The following EMC2 variants were observed in gnomAD, a reference collection of about 807,000 sequenced individuals.
EMC2 encodes the protein ER membrane protein complex subunit 2.
EMC2 carries 37 observed loss-of-function variants against 51.6 expected under a neutral mutation model. The observed-to-expected ratio is 0.72, with a 90% CI of 0.55 to 0.94. The LOEUF is 0.94. Ranked by LOEUF, EMC2 falls within the 40% of genes least tolerant of loss-of-function variation. The pLI is 0.00. For synonymous variants in EMC2, 131 were observed against 112.4 expected (o/e 1.17, Z -1.04); for missense variants, 359 against 350.9 (o/e 1.02, Z -0.18).
intron 4 of EMC2, among the ~76,000 whole-genome samples, chr8:108,454,463 C>G (rs1321498191): frequency 1.3e-5 from 2 of 152,048 alleles, no homozygotes; most frequent in Non-Finnish European, 2.9e-5. Context: ...TATACTGATT[C>G]ACAGTTAGGG....
chr8:108,447,119 G>C lies in EMC2; in HGVS notation c.41-2704G>C, dbSNP rs149138950. Among the ~76,000 whole-genome samples the C allele has an allele frequency of 1.7e-3, 261 of 152,232 alleles. 1 individual carries two copies. Among genetic ancestry groups the C allele is most frequent in the African/African-American group, 6.0e-3 (251 of 41,538 alleles). On this transcript the variant is annotated intron_variant, in intron 1 of 10. Transcript: ENST00000220853. The stretch of plus-strand genomic sequence containing the variant: ...TATACCTATACATGAATCTTTGAGT[G>C]TATGTATAAACTGAAACCAAAGTTG...
chr8:108,460,510 C>A (rs1282533742), intron 5 of EMC2, among the ~76,000 whole-genome samples: 2 of 152,120 alleles, frequency 1.3e-5, no homozygotes, highest in African/African-American at 4.8e-5. Flanking sequence ...AAATTTCACC[C>A]CGATCACATG....
intron 7 of EMC2, among the ~76,000 whole-genome samples, chr8:108,473,614 T>A (rs1464961758): frequency 6.6e-6 from 1 of 152,048 alleles, no homozygotes; most frequent in African/African-American, 2.4e-5. Flanking sequence ...TATTATACAT[T>A]AATTATGATT....
At chr8:108,449,282 T>C (rs1219170320) in intron 1 of EMC2, among the ~76,000 whole-genome samples, 1 of 151,670 alleles carries the variant, frequency 6.6e-6, no homozygotes, top group Non-Finnish European at 1.5e-5. Context: ...TGCCTTTTTT[T>C]TTTTTTTTTG....
chr8:108,446,923 T>C (rs115998039), intron 1 of EMC2, among the ~76,000 whole-genome samples: 218 of 152,316 alleles, frequency 1.4e-3, no homozygotes, highest in African/African-American at 5.1e-3. Context: ...TTGTAAGTTA[T>C]ATTTTCATAC....
At chr8:108,455,987 A>G in intron 5 of EMC2, 57 bp downstream of exon 5, 1 of 680,210 alleles carries the variant, frequency 1.5e-6, no homozygotes, top group Non-Finnish European at 2.2e-6. Flanking sequence ...AGATAAAATT[A>G]ATCGAGGAAA....
At chr8:108,471,140 G>T (rs1810847746) in intron 7 of EMC2, among the ~76,000 whole-genome samples, 1 of 151,890 alleles carries the variant, frequency 6.6e-6, no homozygotes, top group Non-Finnish European at 1.5e-5. Context: ...TTTTGATTAG[G>T]AAATTATTTC....
At position 108,486,519 on chromosome 8, in the gene EMC2, G is replaced by T. The variant is rs1363893258; in HGVS notation, c.815G>T (p.Gly272Val). 3 of 1,544,020 alleles carry T rather than the reference G, an allele frequency of 1.9e-6. No individual in the cohort carries two copies. In the East Asian group the frequency reaches 7.0e-5, roughly 36 times the overall value. Residue 272 changes from glycine to valine, a missense_variant, in exon 11 of 11, where the codon GGT becomes GTT. Transcript: ENST00000220853. The part of the protein sequence containing the change: ...SQINRAYQFA[G>V]RSKKETKYSL... ...TTTTTTTTTTTTAATTAGTTTGCAG[G>T]TCGAAGTAAGAAGGAAACCAAATAT...
intron 9 of EMC2, among the ~76,000 whole-genome samples, chr8:108,477,339 A>G (rs1439594084): frequency 6.6e-6 from 1 of 151,996 alleles, no homozygotes; most frequent in African/African-American, 2.4e-5. Context: ...CAGTTTGGAA[A>G]TTGTGGGAAG....
intron 4 of EMC2, among the ~76,000 whole-genome samples, chr8:108,455,397 C>G (rs1342360688): frequency 6.6e-6 from 1 of 152,054 alleles, no homozygotes; most frequent in Non-Finnish European, 1.5e-5. Context: ...CCAGTATTTT[C>G]TTTTGATTCT....
Position 108,486,842 on chromosome 8 carries a change from C to T in EMC2, c.*244C>T. 3.0e-6 allele frequency: 1 copy of T among 329,818 alleles called. No homozygotes were observed. The highest frequency in any genetic ancestry group is 5.5e-6 in the Non-Finnish European group (1 of 183,306). The allele number at this position is 329,818 out of a possible 1,614,324, so 20.4% of individuals were successfully genotyped here. ...ATTGTACATCAGTCTCTTCATATCA[C>T]ATATACATGTATATATATAAAACTC... On this transcript the variant is annotated 3_prime_UTR_variant, in exon 11 of 11. Coordinates refer to ENST00000220853, the MANE Select transcript of EMC2 (RefSeq NM_014673.5).
chr8:108,447,354 C>G (rs1324959308), intron 1 of EMC2, among the ~76,000 whole-genome samples: 1 of 152,054 alleles, frequency 6.6e-6, no homozygotes, highest in African/African-American at 2.4e-5. Context: ...TTTTTCAAAT[C>G]AGGTTGCCTT....
chr8:108,465,078 A>G (rs766148280), intron 5 of EMC2, among the ~76,000 whole-genome samples: 6 of 152,172 alleles, frequency 3.9e-5, no homozygotes, highest in Non-Finnish European at 8.8e-5. Flanking sequence ...CAGGTAGCCT[A>G]TTTAAAATAA....
chr8:108,457,331 CGTGTGTGTGTGTGT>C (rs56319322), intron 5 of EMC2, among the ~76,000 whole-genome samples: 27 of 128,086 alleles, frequency 2.1e-4, no homozygotes, highest in Middle Eastern at 3.9e-3. Context: ...CGTGTGTGTG[CGTGTGTGTGTGTGT>C]GTGTGTGTGT....
intron 1 of EMC2, among the ~76,000 whole-genome samples, chr8:108,448,629 C>T (rs908903299): frequency 1.3e-5 from 2 of 152,152 alleles, no homozygotes; most frequent in African/African-American, 4.8e-5. Context: ...TGAGGCCTCC[C>T]CAGCCACGTG....
intron 10 of EMC2, among the ~76,000 whole-genome samples, chr8:108,480,361 G>T (rs972718111): frequency 5.3e-5 from 8 of 152,104 alleles, no homozygotes; most frequent in African/African-American, 1.9e-4. Flanking sequence ...GAATGGCAGG[G>T]AGTTGGAGAT....
At chr8:108,457,074 C>T (rs1339458920) in intron 5 of EMC2, among the ~76,000 whole-genome samples, 1 of 152,136 alleles carries the variant, frequency 6.6e-6, no homozygotes, top group Non-Finnish European at 1.5e-5. Context: ...AATTTAACAA[C>T]AGTAACTTGA....
intron 10 of EMC2, among the ~76,000 whole-genome samples, chr8:108,484,472 T>C (rs555192086): frequency 2.2e-4 from 34 of 152,172 alleles, no homozygotes; most frequent in African/African-American, 7.2e-4. Flanking sequence ...GTTGACTCTT[T>C]AAAATTAGCT....
chr8:108,450,578 G>C (rs1818992655), intron 3 of EMC2, 86 bp downstream of exon 3: 5 of 818,310 alleles, frequency 6.1e-6, no homozygotes, highest in Non-Finnish European at 1.1e-5. Context: ...TATATGGAAT[G>C]CTTTCAATAG....
Sources: gnomAD v4.1 joint callset for allele counts (sites outside exome capture counted in the v4.1 genomes callset) on GRCh38, gnomAD v4.1.1 for gene constraint, MANE v1.5 for transcripts, NCBI Gene and HGNC (gene_info 2026-07-23, HGNC 2026-07-21) for gene names.